Variants in AZI2 observed in about 807,000 individuals in gnomAD.
The protein encoded by AZI2 is 5-azacytidine-induced protein 2.
Under a neutral mutation model 45.8 loss-of-function variants are expected in AZI2, and 22 were observed. That is an observed-to-expected ratio of 0.48 (90% confidence interval 0.34 to 0.69). AZI2 has a LOEUF of 0.69. Among genes scored for constraint, AZI2 ranks in the 30% least tolerant of loss-of-function variants. The probability of loss-of-function intolerance (pLI) is 0.01; values close to 1 mark genes in which losing one functional copy is unlikely to be tolerated. For missense variants in AZI2, 417 were observed against 441.5 expected (o/e 0.94, Z 0.50); for synonymous variants, 137 against 156.7 (o/e 0.87, Z 0.94).
intron 4 of AZI2, 112 bp from the exon 5 acceptor site, chr3:28,336,997 CAT>C (rs1029127256): frequency 4.0e-6 from 4 of 1,010,470 alleles, no homozygotes; most frequent in Admixed American, 5.4e-5. Flanking sequence ...TAACATAAAA[CAT>C]ATATGATCAA....
Position 28,321,221 on chromosome 3 carries a change from C to T in AZI2, c.*2821G>A, listed in dbSNP as rs1703177287. ...ATAGGGGCAAACATGCCCATATTTC[C>T]ACATTGACCTTTGGTATTGGTGCAT... On this transcript the variant is annotated 3_prime_UTR_variant, in exon 8 of 8. Transcript: ENST00000479665. The T allele has an allele frequency of 6.6e-6, 1 of 151,354 alleles. No homozygotes were observed. Among genetic ancestry groups the T allele is most frequent in the Admixed American group, 6.6e-5 (1 of 15,136 alleles). 9.4% of individuals were successfully genotyped at this position (151,354 alleles called of 1,614,324 possible).
At chr3:28,331,787 T>C (rs1000248644) in intron 6 of AZI2, 3 of 1,521,192 alleles carry the variant, frequency 2.0e-6, no homozygotes, top group African/African-American at 2.8e-5. Context: ...AAACACAGAA[T>C]TGAAGTTACT....
intron 2 of AZI2, among the ~76,000 whole-genome samples, chr3:28,339,303 T>C (rs906218642): frequency 6.6e-6 from 1 of 152,110 alleles, no homozygotes; most frequent in Non-Finnish European, 1.5e-5. Flanking sequence ...TTTTAAGAAA[T>C]AGATGTGTGT....
At chr3:28,341,094 A>G (rs977248092) in intron 1 of AZI2, among the ~76,000 whole-genome samples, 14 of 152,134 alleles carry the variant, frequency 9.2e-5, no homozygotes, top group Non-Finnish European at 1.9e-4. Context: ...CAACATATTA[A>G]TATTATATTA....
rs1703198790 is a variant in AZI2, at chr3:28,321,868, G to A, written c.*2174C>T. 6.6e-6 allele frequency: 1 copy of A among 151,250 alleles called. No homozygotes were observed. Among genetic ancestry groups the A allele is most frequent in the Non-Finnish European group, 1.5e-5 (1 of 67,488 alleles). 9.4% of individuals were successfully genotyped at this position (151,250 alleles called of 1,614,324 possible). ...GAAGGAATAGGTGGCTTTTTGTTATGTTTTCTTCATTCTGTCGATTTATGG... is the reference window on the plus strand; with the variant it reads ...GAAGGAATAGGTGGCTTTTTGTTATATTTTCTTCATTCTGTCGATTTATGG... On this transcript the variant is annotated 3_prime_UTR_variant, in exon 8 of 8. Coordinates refer to ENST00000479665, the MANE Select transcript of AZI2 (RefSeq NM_022461.5).
At chr3:28,328,346 C>T (rs968558461) in intron 6 of AZI2, among the ~76,000 whole-genome samples, 2 of 151,028 alleles carry the variant, frequency 1.3e-5, no homozygotes, top group East Asian at 1.9e-4. Flanking sequence ...GTATGCTTTC[C>T]GAAGAGTTAC....
At chr3:28,346,160 T>C (rs1049186312) in intron 1 of AZI2, among the ~76,000 whole-genome samples, 22 of 152,136 alleles carry the variant, frequency 1.4e-4, no homozygotes, top group African/African-American at 5.3e-4. Context: ...CCTAAGAATA[T>C]GGACAAGGCA....
At chr3:28,326,596 G>A (rs1703400861) in intron 7 of AZI2, 1 of 463,668 alleles carries the variant, frequency 2.2e-6, no homozygotes, top group South Asian at 2.3e-5. Flanking sequence ...GCTGAGAAAA[G>A]CCACAAGGGG....
intron 1 of AZI2, among the ~76,000 whole-genome samples, chr3:28,344,108 G>GCTTA: frequency 6.6e-6 from 1 of 151,998 alleles, no homozygotes; most frequent in Middle Eastern, 3.4e-3. Context: ...TTGCTTATCT[G>GCTTA]TCCTAAAAGT....
In AZI2 at chr3:28,338,535, A is replaced by G. The variant is rs1559461627; in HGVS notation, c.297T>C (p.Val99=). Residue 99 remains valine (V), a synonymous_variant, in exon 3 of 8, where the codon GTT becomes GTC. Transcript: ENST00000479665. ...VNKAYHAYRE[V]CIDRDNLKSK... ...TCTTCAAATTATCTCTATCAATGCA[A>G]ACCTCTCGATATGCATGATAGGCCT... The G allele has an allele frequency of 6.2e-7, 1 of 1,602,172 alleles. No homozygotes were observed.
intron 7 of AZI2, chr3:28,324,706 A>C (rs1378055206): frequency 6.0e-6 from 2 of 334,142 alleles, no homozygotes; most frequent in Non-Finnish European, 1.1e-5. Context: ...TGTCTGCAGA[A>C]TGGATATAGA....
intron 1 of AZI2, among the ~76,000 whole-genome samples, chr3:28,342,738 C>A (rs960499184): frequency 6.6e-6 from 1 of 151,614 alleles, no homozygotes; most frequent in African/African-American, 2.4e-5. Context: ...CACACACACA[C>A]ACACACACAC....
At position 28,322,179 on chromosome 3, in the gene AZI2, C is replaced by G. The variant is rs2125627699; in HGVS notation, c.*1863G>C. The stretch of plus-strand genomic sequence containing the variant: ...CTAACACTTTAAACTGTCACAGTCA[C>G]TGACTTTTTAGTATACCTGTTTGAT... On this transcript the variant is annotated 3_prime_UTR_variant, in exon 8 of 8. Transcript: ENST00000479665. 1 of 151,280 alleles carries G rather than the reference C, an allele frequency of 6.6e-6. No homozygotes were observed. The highest frequency in any genetic ancestry group is 2.1e-4 in the South Asian group (1 of 4,816). The allele number at this position is 151,280 out of a possible 1,614,324, so 9.4% of individuals were successfully genotyped here.
intron 6 of AZI2, among the ~76,000 whole-genome samples, chr3:28,329,007 C>G (rs1703485241): frequency 6.6e-6 from 1 of 151,092 alleles, no homozygotes; most frequent in African/African-American, 2.4e-5. Context: ...CCGCAGTTCC[C>G]CAACTGGGAG....
rs183435202 is a variant in AZI2, at chr3:28,346,729, C to A, written c.-6+1872G>T. Among the ~76,000 whole-genome samples the A allele has an allele frequency of 1.8e-3, 271 of 152,244 alleles. 1 individual carries two copies. Among genetic ancestry groups the A allele is most frequent in the Middle Eastern group, 0.014 (4 of 294 alleles). Reference sequence around the variant, plus strand: ...ACTATGGAGCAAGGATTAAGTCTTACGAAGACGAACAGACCAATGCTTATT... The same window carrying A: ...ACTATGGAGCAAGGATTAAGTCTTAAGAAGACGAACAGACCAATGCTTATT... On this transcript the variant is annotated intron_variant, in intron 1 of 7. Transcript: ENST00000479665.
chr3:28,327,360 T>C (rs1703424992), intron 6 of AZI2, among the ~76,000 whole-genome samples: 1 of 151,084 alleles, frequency 6.6e-6, no homozygotes, highest in African/African-American at 2.4e-5. Context: ...TGTATTTATC[T>C]TTTGATTGTT....
At chr3:28,341,698 A>G (rs1458385596) in intron 1 of AZI2, 2 of 152,068 alleles carry the variant, frequency 1.3e-5, no homozygotes, top group Non-Finnish European at 2.9e-5. Context: ...AGAACCTAAA[A>G]AGTCCTTTTA....
chr3:28,338,729 T>C (rs1703896135), intron 2 of AZI2, 114 bp from the exon 3 acceptor site: 1 of 929,236 alleles, frequency 1.1e-6, no homozygotes. Flanking sequence ...GGATAAAGCC[T>C]GGATTCATTA....
At position 28,323,499 on chromosome 3, in the gene AZI2, C is replaced by T. The variant is rs1703258020; in HGVS notation, c.*543G>A. Reference sequence around the variant, plus strand: ...ACAAAACACTGTGACCAAAAAATCACTTTAAATCTTAAATATTGAAACGCA... The same window carrying T: ...ACAAAACACTGTGACCAAAAAATCATTTTAAATCTTAAATATTGAAACGCA... On this transcript the variant is annotated 3_prime_UTR_variant, in exon 8 of 8. Transcript: ENST00000479665. 1 of 151,312 alleles carries T rather than the reference C, an allele frequency of 6.6e-6. No homozygotes were observed. The highest frequency in any genetic ancestry group is 2.4e-5 in the African/African-American group (1 of 41,242). The allele number at this position is 151,312 out of a possible 1,614,324, so 9.4% of individuals were successfully genotyped here. A position where few individuals can be genotyped will look rare whatever the true frequency, so the allele number is the denominator to read the frequency against.
Sources: gnomAD v4.1 joint callset for allele counts (sites outside exome capture counted in the v4.1 genomes callset) on GRCh38, gnomAD v4.1.1 for gene constraint, MANE v1.5 for transcripts, NCBI Gene and HGNC (gene_info 2026-07-23, HGNC 2026-07-21) for gene names.